Variants in ZBTB7C observed in about 807,000 individuals in gnomAD.
The protein encoded by ZBTB7C is zinc finger and BTB domain-containing protein 7C.
In ZBTB7C, 8 loss-of-function variants were observed where a neutral mutation model predicts 25.7. That is an observed-to-expected ratio of 0.31 (90% confidence interval 0.18 to 0.56). The LOEUF (loss-of-function observed/expected upper bound fraction) is 0.56. Ranked by LOEUF, ZBTB7C falls within the 20% of genes least tolerant of loss-of-function variation. ZBTB7C has a pLI of 0.91. For synonymous variants in ZBTB7C, 394 were observed against 369.0 expected (o/e 1.07, Z -0.78); for missense variants, 824 against 855.2 (o/e 0.96, Z 0.46).
In ZBTB7C at chr18:48,040,713, T is replaced by TCCCCCCCA; in HGVS notation, c.387_394dup (p.Asp132ValfsTer93). On this transcript the variant is annotated frameshift_variant, in exon 4 of 5. Coordinates refer to ENST00000590800, the MANE Select transcript of ZBTB7C (RefSeq NM_001318841.2). LOFTEE classifies it high-confidence loss of function. ...CTCCTTGTCATCCTCCTCCCCCCCG[T>TCCCCCCCA]CCCCCCCAGGCTCCATGATCTCCAG... 6.2e-7 allele frequency: 1 copy of TCCCCCCCA among 1,608,494 alleles called. No homozygotes were observed. Among genetic ancestry groups the TCCCCCCCA allele is most frequent in the Non-Finnish European group, 8.5e-7 (1 of 1,175,886 alleles).
chr18:48,034,259 G>C (rs769561774), intron 4 of ZBTB7C, among the ~76,000 whole-genome samples: 6 of 152,040 alleles, frequency 3.9e-5, no homozygotes, highest in Non-Finnish European at 8.8e-5. Context: ...TCCTCTGCCA[G>C]CTTCCTGCCT....
chr18:48,243,974 G>A (rs2043603412), intron 2 of ZBTB7C, among the ~76,000 whole-genome samples: 1 of 152,222 alleles, frequency 6.6e-6, no homozygotes, highest in African/African-American at 2.4e-5. Flanking sequence ...CAAGCCACAT[G>A]TAGAAGAATG....
chr18:48,296,852 C>T (rs892567646), intron 2 of ZBTB7C, among the ~76,000 whole-genome samples: 2 of 152,094 alleles, frequency 1.3e-5, no homozygotes, highest in African/African-American at 4.8e-5. Context: ...GGAGCGCGAA[C>T]TCTATTGTGA....
intron 3 of ZBTB7C, among the ~76,000 whole-genome samples, chr18:48,122,476 G>A (rs2039662894): frequency 6.6e-6 from 1 of 152,166 alleles, no homozygotes; most frequent in African/African-American, 2.4e-5. Context: ...CCACGTGCAA[G>A]CTCCCTGTAT....
chr18:48,151,635 C>T (rs912932397), intron 3 of ZBTB7C, among the ~76,000 whole-genome samples: 1 of 152,182 alleles, frequency 6.6e-6, no homozygotes, highest in African/African-American at 2.4e-5. Flanking sequence ...AGTTCTTGTT[C>T]ATGGGCCAGG....
At chr18:48,128,217 C>T (rs1228432288) in intron 3 of ZBTB7C, among the ~76,000 whole-genome samples, 1 of 152,210 alleles carries the variant, frequency 6.6e-6, no homozygotes, top group Admixed American at 6.5e-5. Flanking sequence ...TGCCCTCACT[C>T]TGGCCCTTCA....
At chr18:48,245,643 A>T (rs540430404) in intron 2 of ZBTB7C, among the ~76,000 whole-genome samples, 1 of 152,182 alleles carries the variant, frequency 6.6e-6, no homozygotes, top group Non-Finnish European at 1.5e-5. Context: ...CATCAAAACA[A>T]GGGGGCAAAC....
intron 2 of ZBTB7C, among the ~76,000 whole-genome samples, chr18:48,197,815 T>C (rs2042351379): frequency 6.6e-6 from 1 of 152,192 alleles, no homozygotes; most frequent in Non-Finnish European, 1.5e-5. Context: ...AATACAGCCA[T>C]ATTGGGAGCT....
intron 1 of ZBTB7C, among the ~76,000 whole-genome samples, chr18:48,389,461 A>AT (rs138527928): frequency 0.022 from 2,163 of 97,592 alleles, 67 homozygotes; most frequent in East Asian, 0.037. Flanking sequence ...TGACTCTTGG[A>AT]TTTTTTTTTT....
chr18:48,358,001 C>T (rs2047015447), intron 1 of ZBTB7C, among the ~76,000 whole-genome samples: 2 of 152,134 alleles, frequency 1.3e-5, no homozygotes, highest in South Asian at 4.1e-4. Flanking sequence ...AGTGCCATCC[C>T]CTTGGTGATA....
intron 2 of ZBTB7C, among the ~76,000 whole-genome samples, chr18:48,229,467 A>C (rs1451410205): frequency 6.6e-6 from 1 of 152,168 alleles, no homozygotes; most frequent in East Asian, 1.9e-4. Flanking sequence ...CGCCTGCCCT[A>C]GAAGCTCTGA....
chr18:48,158,315 T>C (rs1240449142), intron 3 of ZBTB7C, among the ~76,000 whole-genome samples: 1 of 152,164 alleles, frequency 6.6e-6, no homozygotes, highest in Non-Finnish European at 1.5e-5. Context: ...TTCTCATAAC[T>C]CTGGCCCTCG....
chr18:48,062,467 G>A (rs2037164311), intron 3 of ZBTB7C, among the ~76,000 whole-genome samples: 1 of 152,222 alleles, frequency 6.6e-6, no homozygotes, highest in Admixed American at 6.5e-5. Context: ...GACATATCTA[G>A]AGCTGCTTTA....
At chr18:48,288,762 A>G (rs1568354694) in intron 2 of ZBTB7C, among the ~76,000 whole-genome samples, 1 of 152,224 alleles carries the variant, frequency 6.6e-6, no homozygotes, top group Admixed American at 6.5e-5. Context: ...TGAACCAGAA[A>G]GCCCTCACCA....
At chr18:48,041,706 G>A (rs1377039025) in intron 3 of ZBTB7C, among the ~76,000 whole-genome samples, 1 of 151,626 alleles carries the variant, frequency 6.6e-6, no homozygotes, top group African/African-American at 2.4e-5. Context: ...GTTCATTGCA[G>A]TTGAAGTTTC....
chr18:48,201,229 GAGA>G (rs1455743979), intron 2 of ZBTB7C, among the ~76,000 whole-genome samples: 1 of 152,202 alleles, frequency 6.6e-6, no homozygotes, highest in African/African-American at 2.4e-5. Context: ...CAGGCATGCT[GAGA>G]AGGAGAATCA....
At chr18:48,206,260 T>C (rs1774424920) in intron 2 of ZBTB7C, among the ~76,000 whole-genome samples, 1 of 152,102 alleles carries the variant, frequency 6.6e-6, no homozygotes, top group East Asian at 1.9e-4. Flanking sequence ...AAGAAGCCAA[T>C]GGAACAGAAT....
intron 3 of ZBTB7C, among the ~76,000 whole-genome samples, chr18:48,090,781 T>C (rs1017446126): frequency 6.6e-6 from 1 of 151,420 alleles, no homozygotes; most frequent in Non-Finnish European, 1.5e-5. Flanking sequence ...TTGCCTGTCT[T>C]ACCAGAATCA....
intron 3 of ZBTB7C, 97 bp downstream of exon 3, chr18:48,185,837 C>T (rs2042040935): frequency 6.6e-6 from 1 of 152,276 alleles, no homozygotes; most frequent in Non-Finnish European, 1.5e-5. Context: ...AAGCCAATCC[C>T]ATCCAGGTCA....
Sources: gnomAD v4.1 joint callset for allele counts (sites outside exome capture counted in the v4.1 genomes callset) on GRCh38, gnomAD v4.1.1 for gene constraint, MANE v1.5 for transcripts, NCBI Gene and HGNC (gene_info 2026-07-23, HGNC 2026-07-21) for gene names.